CCSER1: variants seen among roughly 807,000 people sequenced by gnomAD.
The protein encoded by CCSER1 is serine-rich coiled-coil domain-containing protein 1.
Under a neutral mutation model 82.0 loss-of-function variants are expected in CCSER1, and 41 were observed. The observed-to-expected ratio is 0.50, with a 90% confidence interval of 0.39 to 0.65. CCSER1 has a LOEUF of 0.65. CCSER1 is among the 30% of genes least tolerant of loss of function. The pLI is 0.00. For synonymous variants in CCSER1, 414 were observed against 383.9 expected (o/e 1.08, Z -0.92); for missense variants, 1,119 against 1,064.2 (o/e 1.05, Z -0.72).
At chr4:90,554,373 G>GA (rs1560710504) in intron 5 of CCSER1, among the ~76,000 whole-genome samples, 1 of 151,598 alleles carries the variant, frequency 6.6e-6, no homozygotes, top group Admixed American at 6.6e-5. Flanking sequence ...TGTCTCAAAA[G>GA]AAAAAAAGAA....
At chr4:91,074,366 C>A (rs1027357230) in intron 9 of CCSER1, among the ~76,000 whole-genome samples, 1 of 152,032 alleles carries the variant, frequency 6.6e-6, no homozygotes, top group African/African-American at 2.4e-5. Context: ...TTAGATAATG[C>A]CAATAAGGGC....
intron 10 of CCSER1, among the ~76,000 whole-genome samples, chr4:91,119,202 T>A (rs1348115040): frequency 6.6e-6 from 1 of 152,158 alleles, no homozygotes; most frequent in East Asian, 1.9e-4. Flanking sequence ...TAAACTCCAC[T>A]GGTGAGCAAA....
chr4:90,134,160 G>A (rs1723267832), intron 1 of CCSER1, among the ~76,000 whole-genome samples: 1 of 152,088 alleles, frequency 6.6e-6, no homozygotes, highest in African/African-American at 2.4e-5. Context: ...TTAGAGATGA[G>A]GAAACCGAGT....
chr4:90,851,964 C>T (rs1056897118), intron 8 of CCSER1, among the ~76,000 whole-genome samples: 7 of 152,136 alleles, frequency 4.6e-5, no homozygotes, highest in African/African-American at 1.7e-4. Flanking sequence ...TAAATTTCTT[C>T]CAACCCTTTG....
At chr4:90,261,106 C>T (rs1004718565) in intron 1 of CCSER1, among the ~76,000 whole-genome samples, 42 of 151,880 alleles carry the variant, frequency 2.8e-4, no homozygotes, top group African/African-American at 9.0e-4. Context: ...TATTGAGATA[C>T]GAAGTACTGT....
intron 10 of CCSER1, among the ~76,000 whole-genome samples, chr4:91,093,627 G>A (rs1469834317): frequency 1.3e-5 from 2 of 152,214 alleles, no homozygotes; most frequent in African/African-American, 4.8e-5. Context: ...CCGTCTAGCT[G>A]TTTTGAGAGG....
chr4:91,527,853 C>T (rs534437105), intron 10 of CCSER1, among the ~76,000 whole-genome samples: 4 of 152,260 alleles, frequency 2.6e-5, no homozygotes, highest in South Asian at 2.1e-4. Flanking sequence ...ACATGTAAAT[C>T]TAGAAGGATC....
intron 9 of CCSER1, among the ~76,000 whole-genome samples, chr4:90,924,007 T>G (rs2150253558): frequency 6.6e-6 from 1 of 152,292 alleles, no homozygotes; most frequent in South Asian, 2.1e-4. Context: ...AATACAGTAT[T>G]ACATCTAGTA....
intron 10 of CCSER1, among the ~76,000 whole-genome samples, chr4:91,481,107 C>T (rs1381725908): frequency 6.8e-6 from 1 of 147,740 alleles, no homozygotes; most frequent in African/African-American, 2.5e-5. Context: ...TTCCCCTCCC[C>T]TACAGCCTCT....
intron 8 of CCSER1, among the ~76,000 whole-genome samples, chr4:90,912,626 A>C (rs1334245324): frequency 3.3e-5 from 5 of 152,210 alleles, no homozygotes; most frequent in African/African-American, 1.2e-4. Flanking sequence ...CAATGGAACA[A>C]AGCTGGACGG....
intron 7 of CCSER1, among the ~76,000 whole-genome samples, chr4:90,741,151 C>A (rs957853376): frequency 2.6e-5 from 4 of 151,872 alleles, no homozygotes; most frequent in African/African-American, 9.7e-5. Flanking sequence ...CTACTGCTAG[C>A]AAAATTTTAT....
At chr4:90,412,511 C>A (rs1755031287) in intron 4 of CCSER1, among the ~76,000 whole-genome samples, 3 of 131,884 alleles carry the variant, frequency 2.3e-5, no homozygotes, top group African/African-American at 3.3e-5. Context: ...GATGCTGAAT[C>A]ATAAATATAA....
intron 7 of CCSER1, among the ~76,000 whole-genome samples, chr4:90,726,198 T>C (rs941940940): frequency 2.6e-5 from 4 of 152,052 alleles, no homozygotes; most frequent in Non-Finnish European, 4.4e-5. Context: ...TGGAGGAAGA[T>C]ACCTTGTTTT....
chr4:90,318,588 C>T (rs1044227483), intron 3 of CCSER1, among the ~76,000 whole-genome samples: 39 of 152,204 alleles, frequency 2.6e-4, no homozygotes, highest in South Asian at 1.0e-3. Context: ...AGTTGCAGAT[C>T]GTTAGCATCT....
intron 10 of CCSER1, among the ~76,000 whole-genome samples, chr4:91,434,658 T>C (rs1384785077): frequency 6.6e-6 from 1 of 152,204 alleles, no homozygotes; most frequent in South Asian, 2.1e-4. Context: ...TTTTTTCTGT[T>C]TTATCTATTT....
intron 8 of CCSER1, among the ~76,000 whole-genome samples, chr4:90,826,545 G>T (rs935718838): frequency 6.6e-6 from 1 of 151,970 alleles, no homozygotes; most frequent in Admixed American, 6.6e-5. Context: ...AATGCTTTAG[G>T]TTTATTATTG....
At chr4:90,471,483 T>C (rs1764387456) in intron 5 of CCSER1, among the ~76,000 whole-genome samples, 1 of 152,118 alleles carries the variant, frequency 6.6e-6, no homozygotes, top group Admixed American at 6.6e-5. Context: ...AGTTTATTTG[T>C]TTCTTTTTAA....
chr4:91,142,167 G>A (rs995544824), intron 10 of CCSER1, among the ~76,000 whole-genome samples: 3 of 152,060 alleles, frequency 2.0e-5, no homozygotes, highest in African/African-American at 7.2e-5. Flanking sequence ...TTGAATCATG[G>A]GGGCAATTTC....
chr4:90,580,902 A>G (rs1191711287), intron 5 of CCSER1, among the ~76,000 whole-genome samples: 1 of 152,212 alleles, frequency 6.6e-6, no homozygotes, highest in Non-Finnish European at 1.5e-5. Context: ...ACTTTGCTTA[A>G]CAGAATCCAT....
Sources: allele counts gnomAD v4.1 joint callset (sites outside exome capture counted in the v4.1 genomes callset), GRCh38; gene constraint gnomAD v4.1.1; transcripts MANE v1.5; gene names NCBI Gene and HGNC (gene_info 2026-07-23, HGNC 2026-07-21).